The following VTI1A variants were observed in gnomAD, a reference collection of about 807,000 sequenced individuals.
VTI1A encodes vesicle transport through interaction with t-SNAREs homolog 1A.
Under a neutral mutation model 34.9 loss-of-function variants are expected in VTI1A, and 22 were observed. That is an observed-to-expected ratio of 0.63 (90% CI 0.45 to 0.90). VTI1A has a LOEUF of 0.90. Among genes scored for constraint, VTI1A ranks in the 40% least tolerant of loss-of-function variants. VTI1A has a pLI of 0.00. For missense variants in VTI1A, 268 were observed against 275.6 expected (o/e 0.97, Z 0.20); for synonymous variants, 87 against 97.3 (o/e 0.89, Z 0.62).
rs139140962 is a variant in VTI1A at position 112,756,805 on chromosome 10, T to G, written c.561-58485T>G. 2.0e-5 allele frequency among the ~76,000 whole-genome samples: 3 copies of G among 152,202 alleles called. No homozygotes were observed. In the East Asian group the frequency reaches 5.8e-4, roughly 29 times the overall value. ...GCTCACACCTATAATCCTAGCACTT[T>G]AGGAGGCCGAGCCGGGAGAATCCCT... On this transcript the variant is annotated intron_variant, in intron 7 of 7. Coordinates refer to ENST00000393077, the MANE Select transcript of VTI1A (RefSeq NM_145206.4).
chr10:112,851,716 T>C, the VTI1A span, among the ~76,000 whole-genome samples: 4 of 152,208 alleles, frequency 2.6e-5, 1 homozygote, highest in Admixed American at 2.6e-4. Context: ...TACAGGGGCT[T>C]CTGAACTGAA....
At chr10:112,553,096 G>A (rs1259649238) in intron 5 of VTI1A, among the ~76,000 whole-genome samples, 1 of 152,178 alleles carries the variant, frequency 6.6e-6, no homozygotes, top group Non-Finnish European at 1.5e-5. Flanking sequence ...ATAAAAAGTA[G>A]GGAGAACACA....
At chr10:112,745,963 T>C (rs144016735) in intron 7 of VTI1A, among the ~76,000 whole-genome samples, 39 of 152,332 alleles carry the variant, frequency 2.6e-4, no homozygotes, top group African/African-American at 8.7e-4. Flanking sequence ...ATCTTTTAAA[T>C]TATGCTAATT....
chr10:112,786,686 A>C (rs769915911), intron 7 of VTI1A, among the ~76,000 whole-genome samples: 20 of 152,208 alleles, frequency 1.3e-4, no homozygotes, highest in Non-Finnish European at 2.5e-4. Flanking sequence ...TTCTCTAATG[A>C]AATGATTATG....
At chr10:112,604,323 C>T (rs1187832107) in intron 5 of VTI1A, among the ~76,000 whole-genome samples, 1 of 152,152 alleles carries the variant, frequency 6.6e-6, no homozygotes, top group Non-Finnish European at 1.5e-5. Context: ...AGTTAAAGTT[C>T]ATACGTGTAA....
intron 7 of VTI1A, among the ~76,000 whole-genome samples, chr10:112,727,438 T>A (rs555754151): frequency 3.1e-4 from 46 of 149,436 alleles, no homozygotes; most frequent in East Asian, 2.1e-3. Context: ...AAAAAAAAAT[T>A]TTTTTTATAA....
rs1296849590 is a variant in VTI1A, at chr10:112,736,105, G to GTATA, written c.560+67108_560+67109insATAT. Among the ~76,000 whole-genome samples the GTATA allele has an allele frequency of 1.8e-3, 161 of 90,240 alleles. 1 individual carries two copies. Among genetic ancestry groups the GTATA allele is most frequent in the African/African-American group, 0.011 (149 of 13,394 alleles). The allele number at this position is 90,240 out of a possible 152,430, so 59.2% of individuals were successfully genotyped here. A position where few individuals can be genotyped will look rare whatever the true frequency, so the allele number is the denominator to read the frequency against. The stretch of plus-strand genomic sequence containing the variant: ...TATAGTATATTTTACATATATATGT[G>GTATA]TGTGTGTATATATATATATATATAT... On this transcript the variant is annotated intron_variant, in intron 7 of 7. Coordinates refer to ENST00000393077, the MANE Select transcript of VTI1A (RefSeq NM_145206.4).
intron 7 of VTI1A, among the ~76,000 whole-genome samples, chr10:112,791,359 C>T (rs555016813): frequency 1.5e-3 from 221 of 152,274 alleles, no homozygotes; most frequent in African/African-American, 4.7e-3. Flanking sequence ...AAGAAAGACA[C>T]GCTCAGCAAA....
intron 5 of VTI1A, among the ~76,000 whole-genome samples, chr10:112,651,306 A>T (rs1188025292): frequency 1.3e-5 from 2 of 152,118 alleles, no homozygotes; most frequent in African/African-American, 2.4e-5. Context: ...CTCTTAGTGG[A>T]ATAGCCCCTC....
At chr10:112,607,558 A>T (rs1845131836) in intron 5 of VTI1A, among the ~76,000 whole-genome samples, 1 of 152,222 alleles carries the variant, frequency 6.6e-6, no homozygotes, top group Admixed American at 6.5e-5. Flanking sequence ...TGAATGGAAA[A>T]GTATCCTACT....
chr10:112,518,579 C>CTA (rs1457202915), intron 3 of VTI1A, among the ~76,000 whole-genome samples: 38 of 96,498 alleles, frequency 3.9e-4, no homozygotes, highest in Middle Eastern at 4.5e-3. Flanking sequence ...CTCTCTCTCT[C>CTA]TCTCTCTCTC....
At chr10:112,529,586 A>G (rs1000320757) in intron 4 of VTI1A, among the ~76,000 whole-genome samples, 3 of 152,112 alleles carry the variant, frequency 2.0e-5, no homozygotes, top group African/African-American at 7.2e-5. Context: ...TTCTGCCTAC[A>G]AATAAGTTTA....
chr10:112,617,799 CAAATT>C (rs1399485113), intron 5 of VTI1A, among the ~76,000 whole-genome samples: 2 of 151,952 alleles, frequency 1.3e-5, no homozygotes, highest in African/African-American at 2.4e-5. Context: ...AAAAAGGAAA[CAAATT>C]AAAGGTGCCA....
rs561060920 is a variant in VTI1A, at chr10:112,784,839, A to G, written c.561-30451A>G. The stretch of plus-strand genomic sequence containing the variant: ...TGGAGTATATGGGGAAAGCATGCCT[A>G]AGAAAGGTTATCTTGATTTTCATTT... On this transcript the variant is annotated intron_variant, in intron 7 of 7. Transcript: ENST00000393077. 7.2e-5 allele frequency among the ~76,000 whole-genome samples: 11 copies of G among 152,322 alleles called. No individual in the cohort carries two copies. The East Asian group carries it at 1.2e-3, about 16-fold the overall frequency.
intron 5 of VTI1A, among the ~76,000 whole-genome samples, chr10:112,645,942 GT>G (rs71035394): frequency 0.14 from 18,742 of 137,176 alleles, 1,211 homozygotes; most frequent in Admixed American, 0.18. Flanking sequence ...AATATACTGT[GT>G]TTTTTTTTTT....
chr10:112,588,188 AG>A (rs1241632942), intron 5 of VTI1A, among the ~76,000 whole-genome samples: 3 of 152,122 alleles, frequency 2.0e-5, no homozygotes, highest in African/African-American at 7.2e-5. Context: ...AAAGGTAGAC[AG>A]GCAACAGAAA....
At chr10:112,852,818 C>T in the VTI1A span, among the ~76,000 whole-genome samples, 9 of 152,176 alleles carry the variant, frequency 5.9e-5, no homozygotes, top group African/African-American at 2.2e-4. Flanking sequence ...CTTGCTCTGT[C>T]GCCAGGCTGG....
chr10:112,707,380 C>T (rs1310456721), intron 7 of VTI1A, among the ~76,000 whole-genome samples: 1 of 152,098 alleles, frequency 6.6e-6, no homozygotes, highest in East Asian at 1.9e-4. Flanking sequence ...ATCGCCCAGA[C>T]TGGAGTACAA....
chr10:112,787,368 C>T (rs1473675864), intron 7 of VTI1A, among the ~76,000 whole-genome samples: 1 of 151,984 alleles, frequency 6.6e-6, no homozygotes, highest in Non-Finnish European at 1.5e-5. Flanking sequence ...TGATTTTTCT[C>T]TATTATTTTC....
Sources: gnomAD v4.1 joint callset for allele counts (sites outside exome capture counted in the v4.1 genomes callset) on GRCh38, gnomAD v4.1.1 for gene constraint, MANE v1.5 for transcripts, NCBI Gene and HGNC (gene_info 2026-07-23, HGNC 2026-07-21) for gene names.